Variants in ADAMTS20 observed in about 807,000 individuals in gnomAD.
ADAMTS20 encodes the protein ADAM metallopeptidase with thrombospondin type 1 motif 20.
Under a neutral mutation model 260.1 loss-of-function variants are expected in ADAMTS20, and 225 were observed. The observed-to-expected ratio is 0.87, with a 90% CI of 0.78 to 0.97. The LOEUF is 0.97. ADAMTS20 is among the 50% of genes least tolerant of loss of function. The pLI, the probability that ADAMTS20 is intolerant of heterozygous loss-of-function variation, is 0.00. For synonymous variants in ADAMTS20, 802 were observed against 769.5 expected, an observed-to-expected ratio of 1.04 and a Z score of -0.70; for missense variants, 2,400 against 2,337.7, an observed-to-expected ratio of 1.03 and a Z score of -0.55.
At chr12:43,476,792 C>A (rs112405290) in intron 7 of ADAMTS20, among the ~76,000 whole-genome samples, 1 of 142,962 alleles carries the variant, frequency 7.0e-6, no homozygotes, top group South Asian at 2.3e-4. Context: ...GGGAATTGAA[C>A]AATGAGATCA....
intron 18 of ADAMTS20, 150 bp downstream of exon 18, chr12:43,439,472 A>G: frequency 1.1e-6 from 1 of 874,100 alleles, no homozygotes; most frequent in Non-Finnish European, 1.7e-6. Flanking sequence ...AAAAAGTAGA[A>G]AGGAAAAAAA....
chr12:43,523,547 G>C (rs1352220283), intron 3 of ADAMTS20, among the ~76,000 whole-genome samples: 1 of 152,176 alleles, frequency 6.6e-6, no homozygotes, highest in Non-Finnish European at 1.5e-5. Context: ...GAAAGCTGCT[G>C]TTGGGTTCTG....
intron 28 of ADAMTS20, among the ~76,000 whole-genome samples, chr12:43,410,580 T>A (rs1941012844): frequency 6.6e-6 from 1 of 152,154 alleles, no homozygotes; most frequent in African/African-American, 2.4e-5. Flanking sequence ...TCAACCTCTA[T>A]AAAAGGGAGT....
chr12:43,427,439 G>C lies in ADAMTS20; in HGVS notation c.3976C>G (p.His1326Asp). 1 of 1,613,120 alleles carries C rather than the reference G, an allele frequency of 6.2e-7. No homozygotes were observed. Among genetic ancestry groups the C allele is most frequent in the Non-Finnish European group, 8.5e-7 (1 of 1,179,588 alleles). ...TCATCCTGGCAGACCACAGCCCTAT[G>C]CTGAAGACCTCCAGAACAACTGCTG... is the stretch of plus-strand genomic sequence containing the variant. ...CSSSCSGGLQ[H>D]RAVVCQDENG... The change falls in exon 27 of 39, where the codon CAT (histidine) becomes GAT (aspartate). Residue 1326 changes from histidine (H) to aspartate (D), a missense_variant. Transcript: ENST00000389420.
At chr12:43,357,929 A>C (rs1251842933) in intron 37 of ADAMTS20, among the ~76,000 whole-genome samples, 1 of 152,236 alleles carries the variant, frequency 6.6e-6, no homozygotes, top group Non-Finnish European at 1.5e-5. Flanking sequence ...ATTTGAATAA[A>C]AAGAATTGAT....
At chr12:43,445,518 C>T (rs1422418088) in intron 15 of ADAMTS20, among the ~76,000 whole-genome samples, 1 of 152,032 alleles carries the variant, frequency 6.6e-6, no homozygotes, top group Non-Finnish European at 1.5e-5. Flanking sequence ...AATTTGAACA[C>T]ACATGAACAC....
rs143523338 is a variant in ADAMTS20, at chr12:43,490,906, C to T, written c.1077-471G>A. ...GTGTCTCCTTTCTTATCACCTCTTTCTCATAGCCCTTTCTTCCTCCCATAT... is the reference window on the plus strand; with the variant it reads ...GTGTCTCCTTTCTTATCACCTCTTTTTCATAGCCCTTTCTTCCTCCCATAT... On this transcript the variant is annotated intron_variant, in intron 6 of 38. Coordinates refer to ENST00000389420, the MANE Select transcript of ADAMTS20 (RefSeq NM_025003.5). Among the ~76,000 whole-genome samples the T allele has an allele frequency of 9.2e-5, 14 of 152,132 alleles. No individual in the cohort carries two copies. In the East Asian group the frequency reaches 2.7e-3, roughly 29 times the overall value.
At chr12:43,482,586 G>T (rs781136316) in intron 7 of ADAMTS20, among the ~76,000 whole-genome samples, 7 of 152,188 alleles carry the variant, frequency 4.6e-5, no homozygotes, top group Non-Finnish European at 1.0e-4. Context: ...CAGCCAGGGA[G>T]CTGCCTTCTG....
chr12:43,532,139 T>C lies in ADAMTS20; in HGVS notation c.510A>G (p.Ala170=), dbSNP rs1223800306. 6.2e-7 allele frequency: 1 copy of C among 1,612,380 alleles called. No homozygotes were observed. Among genetic ancestry groups the C allele is most frequent in the Non-Finnish European group, 8.5e-7 (1 of 1,179,226 alleles). Residue 170 remains alanine (A), a synonymous_variant, in exon 3 of 39, where the codon GCA becomes GCG. Coordinates refer to ENST00000389420, the MANE Select transcript of ADAMTS20 (RefSeq NM_025003.5). ...GEYFLEPIMK[A]DGNEYEDGHN... ...GACCATCTTCATATTCATTCCCATCTGCCTTCATTATAGGTTCTAAGAAAT... is the reference window on the plus strand; with the variant it reads ...GACCATCTTCATATTCATTCCCATCCGCCTTCATTATAGGTTCTAAGAAAT...
intron 18 of ADAMTS20, among the ~76,000 whole-genome samples, 170 bp from the exon 19 acceptor site, chr12:43,434,541 T>C (rs1592066911): frequency 6.7e-6 from 1 of 149,268 alleles, no homozygotes; most frequent in African/African-American, 2.5e-5. Context: ...ATGACTTTTA[T>C]AATAAGTAAG....
At chr12:43,353,638 T>G (rs1939681682), downstream of ADAMTS20, among the ~76,000 whole-genome samples, 1 of 151,912 alleles carries the variant, frequency 6.6e-6, no homozygotes, top group African/African-American at 2.4e-5. Context: ...AGCCCCATAA[T>G]CCACAAGCAA....
At chr12:43,400,151 T>C (rs1363955386) in intron 28 of ADAMTS20, among the ~76,000 whole-genome samples, 1 of 152,078 alleles carries the variant, frequency 6.6e-6, no homozygotes, top group Non-Finnish European at 1.5e-5. Context: ...TCTACCATTT[T>C]CCTTCATATA....
At chr12:43,507,657 AT>A (rs1801354884) in intron 3 of ADAMTS20, among the ~76,000 whole-genome samples, 1 of 152,252 alleles carries the variant, frequency 6.6e-6, no homozygotes. Context: ...GTTTGAAGAA[AT>A]CAGGCTGACA....
chr12:43,486,064 A>G (rs146293709), intron 7 of ADAMTS20, among the ~76,000 whole-genome samples: 1 of 152,166 alleles, frequency 6.6e-6, no homozygotes, highest in East Asian at 1.9e-4. Context: ...TTTTCAAAGA[A>G]TTATAAAACA....
chr12:43,366,461 A>G (rs1397808608), intron 37 of ADAMTS20, among the ~76,000 whole-genome samples: 1 of 151,862 alleles, frequency 6.6e-6, no homozygotes, highest in Non-Finnish European at 1.5e-5. Flanking sequence ...ATATAAACCA[A>G]TAAGGTCTGT....
chr12:43,366,053 T>C (rs1190414092), intron 37 of ADAMTS20, among the ~76,000 whole-genome samples: 1 of 151,766 alleles, frequency 6.6e-6, no homozygotes, highest in African/African-American at 2.4e-5. Flanking sequence ...GATAGTGATG[T>C]TAAAAAAATC....
chr12:43,497,736 A>G (rs1475350344), intron 4 of ADAMTS20, among the ~76,000 whole-genome samples: 3 of 152,108 alleles, frequency 2.0e-5, no homozygotes, highest in Non-Finnish European at 4.4e-5. Context: ...AATCAATGTA[A>G]TGCAAATGAG....
intron 3 of ADAMTS20, among the ~76,000 whole-genome samples, chr12:43,528,348 CAAAAAAAAAAA>C (rs58281767): frequency 6.2e-4 from 18 of 29,046 alleles, no homozygotes; most frequent in East Asian, 1.6e-3. Flanking sequence ...CAATCCTAAG[CAAAAAAAAAAA>C]AAAAAAAAAA....
chr12:43,530,614 G>A lies in ADAMTS20; in HGVS notation c.613+1422C>T, dbSNP rs1474790069. Among the ~76,000 whole-genome samples, 4 of 152,090 alleles carry A rather than the reference G, an allele frequency of 2.6e-5. No homozygotes were observed. The South Asian group carries it at 6.2e-4, about 24-fold the overall frequency. Reference sequence around the variant, plus strand: ...GGAACTATAGTTTACGGACACCTACGATCTCAAATAAATCCTTGCTAATCC... The same window carrying A: ...GGAACTATAGTTTACGGACACCTACAATCTCAAATAAATCCTTGCTAATCC... On this transcript the variant is annotated intron_variant, in intron 3 of 38. Coordinates refer to ENST00000389420, the MANE Select transcript of ADAMTS20 (RefSeq NM_025003.5).
Sources: allele counts gnomAD v4.1 joint callset (sites outside exome capture counted in the v4.1 genomes callset), GRCh38; gene constraint gnomAD v4.1.1; transcripts MANE v1.5; gene names NCBI Gene and HGNC (gene_info 2026-07-23, HGNC 2026-07-21).